TAFA5: variants seen among roughly 807,000 people sequenced by gnomAD.
TAFA5 encodes the protein TAFA chemokine like family member 5.
A neutral mutation model predicts 15.3 loss-of-function variants in TAFA5; 6 were observed. That is an observed-to-expected ratio of 0.39 (90% CI 0.21 to 0.77). TAFA5 has a LOEUF of 0.77. Ranked by LOEUF, TAFA5 falls within the 30% of genes least tolerant of loss-of-function variation. TAFA5 has a pLI of 0.41. For missense variants in TAFA5, 161 were observed against 193.1 expected (o/e 0.83, Z 0.98); for synonymous variants, 103 against 80.7 (o/e 1.28, Z -1.48).
chr22:48,561,077 G>A (rs1923214326), intron 1 of TAFA5, among the ~76,000 whole-genome samples: 1 of 152,120 alleles, frequency 6.6e-6, no homozygotes, highest in African/African-American at 2.4e-5. Flanking sequence ...GAGGTGGGTG[G>A]GGACTGTGGA....
intron 1 of TAFA5, among the ~76,000 whole-genome samples, chr22:48,643,562 G>T (rs1926759374): frequency 6.6e-6 from 1 of 152,228 alleles, no homozygotes; most frequent in East Asian, 1.9e-4. Flanking sequence ...AGGGACAACA[G>T]CTTGCCCAGG....
intron 1 of TAFA5, among the ~76,000 whole-genome samples, chr22:48,600,963 C>T (rs556904319): frequency 8.5e-5 from 13 of 152,200 alleles, no homozygotes; most frequent in Non-Finnish European, 1.5e-4. Context: ...TCCGCGGTCA[C>T]GGTGCTCACG....
chr22:48,666,552 A>G (rs1162768744), intron 2 of TAFA5, among the ~76,000 whole-genome samples: 1 of 152,218 alleles, frequency 6.6e-6, no homozygotes, highest in Admixed American at 6.5e-5. Flanking sequence ...GAGACCCGTG[A>G]CCAGTCAGTA....
chr22:48,643,601 C>G (rs1173715993), intron 1 of TAFA5, among the ~76,000 whole-genome samples: 1 of 152,194 alleles, frequency 6.6e-6, no homozygotes, highest in African/African-American at 2.4e-5. Flanking sequence ...CCTGGCCGGT[C>G]GGGTAGCACC....
At chr22:48,680,945 C>T (rs975024054) in intron 2 of TAFA5, among the ~76,000 whole-genome samples, 6 of 152,348 alleles carry the variant, frequency 3.9e-5, no homozygotes, top group African/African-American at 7.2e-5. Context: ...GCCCAACCTG[C>T]GCTCCCACCA....
In TAFA5 at chr22:48,725,166, C is replaced by G. The variant is rs28674958; in HGVS notation, c.390+17322C>G. 3.3e-3 allele frequency among the ~76,000 whole-genome samples: 496 copies of G among 152,360 alleles called. 4 individuals carry two copies. Among genetic ancestry groups the G allele is most frequent in the African/African-American group, 0.011 (469 of 41,598 alleles). ...GAAGGCCTGCTGCACATCGCCCGGA[C>G]CTTTCAGGCCATCCCGGAGTGGGCA... On this transcript the variant is annotated intron_variant, in intron 3 of 3. Transcript: ENST00000402357.
intron 1 of TAFA5, among the ~76,000 whole-genome samples, chr22:48,527,927 C>T (rs572847557): frequency 6.6e-6 from 1 of 152,220 alleles, no homozygotes; most frequent in Non-Finnish European, 1.5e-5. Context: ...CCTTCCCAGG[C>T]GCGCTCTTCT....
chr22:48,657,952 A>G (rs1447323745), intron 2 of TAFA5, among the ~76,000 whole-genome samples: 1 of 152,170 alleles, frequency 6.6e-6, no homozygotes, highest in Admixed American at 6.5e-5. Context: ...CCTGCTAATA[A>G]TGCCGCTTGC....
At position 48,609,784 on chromosome 22, in the gene TAFA5, G is replaced by GCTTC. The variant is rs1569046208; in HGVS notation, c.113-36813_113-36812insCTTC. 3.3e-4 allele frequency among the ~76,000 whole-genome samples: 50 copies of GCTTC among 152,318 alleles called. No individual in the cohort carries two copies. In the East Asian group the frequency reaches 9.1e-3, roughly 28 times the overall value. On this transcript the variant is annotated intron_variant, in intron 1 of 3. Transcript: ENST00000402357. Reference sequence around the variant, plus strand: ...CCCGCAGGTCCGCTTCCTTCTGAGGGTCTTGGGGGAGAAGCTGCTCCCGGC... The same window carrying GCTTC: ...CCCGCAGGTCCGCTTCCTTCTGAGGGCTTCTCTTGGGGGAGAAGCTGCTCCCGGC...
Position 48,595,065 on chromosome 22 carries a change from T to G in TAFA5, c.113-51532T>G, listed in dbSNP as rs1327439912. ...CTAGAAAGGAGTGCTGCCTTGAGCC[T>G]GTGACCGGGTGGTGGTGGTGAGCCT... On this transcript the variant is annotated intron_variant, in intron 1 of 3. Transcript: ENST00000402357. Among the ~76,000 whole-genome samples the G allele has an allele frequency of 2.0e-5, 3 of 152,150 alleles. No homozygotes were observed. In the East Asian group the frequency reaches 5.8e-4, roughly 29 times the overall value.
intron 1 of TAFA5, among the ~76,000 whole-genome samples, chr22:48,564,941 G>A (rs1601582627): frequency 6.6e-6 from 1 of 152,254 alleles, no homozygotes; most frequent in Non-Finnish European, 1.5e-5. Context: ...CTGCAGCTGG[G>A]AGAGTTGTAA....
At chr22:48,590,873 A>G (rs1924542983) in intron 1 of TAFA5, among the ~76,000 whole-genome samples, 1 of 145,366 alleles carries the variant, frequency 6.9e-6, no homozygotes, top group African/African-American at 2.6e-5. Flanking sequence ...TCTTTTTGAG[A>G]TGGAGTTTCA....
chr22:48,648,780 A>T (rs1226710526), intron 2 of TAFA5, among the ~76,000 whole-genome samples: 3 of 152,152 alleles, frequency 2.0e-5, no homozygotes, highest in Middle Eastern at 3.2e-3. Context: ...GTGAGCCGAG[A>T]TCACGCCACT....
intron 2 of TAFA5, among the ~76,000 whole-genome samples, chr22:48,671,511 A>G (rs969409767): frequency 6.6e-6 from 1 of 152,180 alleles, no homozygotes; most frequent in Non-Finnish European, 1.5e-5. Context: ...GCTCATCCCA[A>G]CCAAGCCATC....
intron 1 of TAFA5, among the ~76,000 whole-genome samples, chr22:48,623,707 C>T (rs536047152): frequency 3.9e-5 from 6 of 152,360 alleles, no homozygotes; most frequent in East Asian, 1.9e-4. Context: ...CCTGGCACGG[C>T]GGCCCGAGGC....
intron 3 of TAFA5, among the ~76,000 whole-genome samples, chr22:48,729,660 TATAA>T (rs566582906): frequency 0.012 from 1,707 of 147,084 alleles, 21 homozygotes; most frequent in African/African-American, 0.04. Flanking sequence ...TTATATAAAA[TATAA>T]ATAAATATAA....
chr22:48,730,945 G>A (rs1321939320), intron 3 of TAFA5, among the ~76,000 whole-genome samples: 5 of 152,148 alleles, frequency 3.3e-5, no homozygotes, highest in Non-Finnish European at 7.4e-5. Context: ...AGAAGTGATC[G>A]AGCTTCGTGA....
rs190484286 is a variant in TAFA5 at position 48,692,875 on chromosome 22, G to C, written c.263-14842G>C. ...GGGCCCAGGCCAGGAACAGCCCAGA[G>C]CTTGCTTGGGACCTCAGGAGCCCCT... On this transcript the variant is annotated intron_variant, in intron 2 of 3. Coordinates refer to ENST00000402357, the MANE Select transcript of TAFA5 (RefSeq NM_001082967.3). Among the ~76,000 whole-genome samples the C allele has an allele frequency of 1.5e-3, 234 of 152,340 alleles. 3 individuals carry two copies. The highest frequency in any genetic ancestry group is 6.4e-3 in the Admixed American group (98 of 15,308).
chr22:48,708,594 A>T (rs906856447), intron 3 of TAFA5, among the ~76,000 whole-genome samples: 1 of 152,186 alleles, frequency 6.6e-6, no homozygotes, highest in Non-Finnish European at 1.5e-5. Flanking sequence ...GGGCATTCCC[A>T]TGAGGTGGCC....
Sources: allele counts gnomAD v4.1 joint callset (sites outside exome capture counted in the v4.1 genomes callset), GRCh38; gene constraint gnomAD v4.1.1; transcripts MANE v1.5; gene names NCBI Gene and HGNC (gene_info 2026-07-23, HGNC 2026-07-21).